Variants in MALRD1 observed in about 807,000 individuals in gnomAD.
The protein encoded by MALRD1 is MAM and LDL receptor class A domain containing 1.
A neutral mutation model predicts 242.1 loss-of-function variants in MALRD1; 247 were observed. The ratio of observed to expected loss-of-function variants is 1.02; its 90% CI spans 0.92 to 1.13. The LOEUF (loss-of-function observed/expected upper bound fraction) is 1.13, where lower values mean the gene tolerates loss of function less well. Among genes scored for constraint, MALRD1 ranks in the 50% most tolerant of loss-of-function variants. MALRD1 has a pLI of 0.00. For missense variants in MALRD1, 2,989 were observed against 2,533.1 expected (o/e 1.18, Z -3.86); for synonymous variants, 995 against 866.6 (o/e 1.15, Z -2.60).
chr10:19,156,344 A>G (rs1045772519), intron 12 of MALRD1, among the ~76,000 whole-genome samples: 1 of 151,600 alleles, frequency 6.6e-6, no homozygotes, highest in African/African-American at 2.4e-5. Flanking sequence ...AATAAGAATT[A>G]AAGCAAATGC....
At chr10:19,194,650 C>T (rs1236267056) in intron 14 of MALRD1, among the ~76,000 whole-genome samples, 1 of 152,106 alleles carries the variant, frequency 6.6e-6, no homozygotes, top group Non-Finnish European at 1.5e-5. Flanking sequence ...GTGTCTTCCC[C>T]ATGAGCCTAA....
chr10:19,171,429 C>CATATATATATATAT (rs71387049), intron 13 of MALRD1, among the ~76,000 whole-genome samples: 1 of 61,422 alleles, frequency 1.6e-5, no homozygotes, highest in Non-Finnish European at 3.3e-5. Context: ...ATTTTATATA[C>CATATATATATATAT]ATATATATAT....
intron 5 of MALRD1, among the ~76,000 whole-genome samples, chr10:19,107,408 C>A (rs1836501603): frequency 6.6e-6 from 1 of 151,790 alleles, no homozygotes; most frequent in African/African-American, 2.4e-5. Flanking sequence ...TTTCAGTTTT[C>A]AAATTAAAGT....
At chr10:19,173,735 T>G (rs931312780) in intron 13 of MALRD1, among the ~76,000 whole-genome samples, 1 of 152,224 alleles carries the variant, frequency 6.6e-6, no homozygotes, top group Non-Finnish European at 1.5e-5. Context: ...TTTGGTATCA[T>G]GGAGGCTTAC....
chr10:19,712,205 G>A (rs1834156477), intron 38 of MALRD1, among the ~76,000 whole-genome samples: 1 of 152,132 alleles, frequency 6.6e-6, no homozygotes, highest in Non-Finnish European at 1.5e-5. Context: ...ACACAGGTCA[G>A]GGATGAAAAA....
chr10:19,123,715 G>C (rs962871000), intron 6 of MALRD1, 122 bp downstream of exon 6: 1 of 473,902 alleles, frequency 2.1e-6, no homozygotes, highest in South Asian at 1.2e-4. Flanking sequence ...TTTAGCTGGA[G>C]TGTTTTTGGG....
At chr10:19,665,269 A>G (rs147018240) in intron 36 of MALRD1, among the ~76,000 whole-genome samples, 6 of 152,266 alleles carry the variant, frequency 3.9e-5, no homozygotes, top group Middle Eastern at 3.4e-3. Flanking sequence ...ACAAACAAAC[A>G]AAACGGATTT....
chr10:19,535,203 A>G (rs1004072019), intron 32 of MALRD1, among the ~76,000 whole-genome samples: 1 of 152,104 alleles, frequency 6.6e-6, no homozygotes, highest in Admixed American at 6.6e-5. Flanking sequence ...TTTTATCTCA[A>G]TGTTTACCCT....
chr10:19,632,043 A>G (rs1008434187), intron 36 of MALRD1, among the ~76,000 whole-genome samples: 3 of 152,172 alleles, frequency 2.0e-5, no homozygotes, highest in Non-Finnish European at 2.9e-5. Flanking sequence ...GGCCCAAATA[A>G]CAAAATTTTC....
chr10:19,605,844 T>C (rs1225132003), intron 34 of MALRD1, among the ~76,000 whole-genome samples: 1 of 152,108 alleles, frequency 6.6e-6, no homozygotes, highest in African/African-American at 2.4e-5. Flanking sequence ...CATCACCATG[T>C]ATGATTCTGG....
At chr10:19,272,554 T>C (rs1188930019) in intron 19 of MALRD1, among the ~76,000 whole-genome samples, 2 of 152,196 alleles carry the variant, frequency 1.3e-5, no homozygotes, top group South Asian at 2.1e-4. Context: ...CCGGGATACA[T>C]GTGTAGAACG....
intron 32 of MALRD1, among the ~76,000 whole-genome samples, chr10:19,553,220 C>T (rs894057800): frequency 1.3e-5 from 2 of 152,018 alleles, no homozygotes; most frequent in Admixed American, 6.6e-5. Context: ...AACAATTGGG[C>T]TCTATGGTTG....
At chr10:19,098,118 G>A (rs976700926) in intron 4 of MALRD1, among the ~76,000 whole-genome samples, 1 of 152,236 alleles carries the variant, frequency 6.6e-6, no homozygotes, top group Admixed American at 6.5e-5. Flanking sequence ...CTTCTTTTCG[G>A]TAACACTTTC....
At chr10:19,241,798 T>A (rs970195779) in intron 18 of MALRD1, among the ~76,000 whole-genome samples, 1 of 152,176 alleles carries the variant, frequency 6.6e-6, no homozygotes, top group South Asian at 2.1e-4. Flanking sequence ...TTCCTGTTAA[T>A]ATCTTAATGA....
intron 32 of MALRD1, among the ~76,000 whole-genome samples, chr10:19,558,157 G>A (rs1835808364): frequency 6.6e-6 from 1 of 151,830 alleles, no homozygotes; most frequent in Non-Finnish European, 1.5e-5. Context: ...GTTGATTATT[G>A]GTTGATTTTC....
intron 31 of MALRD1, among the ~76,000 whole-genome samples, chr10:19,525,071 A>T (rs1418080357): frequency 1.4e-5 from 2 of 140,928 alleles, no homozygotes; most frequent in Non-Finnish European, 3.1e-5. Context: ...TGCCCAGCTA[A>T]TTTTTTTTTT....
At chr10:19,438,968 G>T (rs183361274) in intron 28 of MALRD1, among the ~76,000 whole-genome samples, 1 of 152,204 alleles carries the variant, frequency 6.6e-6, no homozygotes, top group African/African-American at 2.4e-5. Context: ...TCTTGAATCC[G>T]CTGGCTGTTT....
chr10:19,484,013 A>C (rs536062216), intron 29 of MALRD1, among the ~76,000 whole-genome samples: 5 of 152,316 alleles, frequency 3.3e-5, no homozygotes, highest in African/African-American at 1.2e-4. Context: ...TAAGTGAATT[A>C]ACACAGGAAC....
intron 36 of MALRD1, among the ~76,000 whole-genome samples, chr10:19,682,211 G>C (rs1046283121): frequency 6.6e-6 from 1 of 152,066 alleles, no homozygotes; most frequent in Non-Finnish European, 1.5e-5. Context: ...CTTAGAAAAC[G>C]TGAGGTTCCT....
Sources: allele counts gnomAD v4.1 joint callset (sites outside exome capture counted in the v4.1 genomes callset), GRCh38; gene constraint gnomAD v4.1.1; transcripts MANE v1.5; gene names NCBI Gene and HGNC (gene_info 2026-07-23, HGNC 2026-07-21).